FGR: variants seen among roughly 807,000 people sequenced by gnomAD.
The protein encoded by FGR is tyrosine-protein kinase Fgr.
A neutral mutation model predicts 63.2 loss-of-function variants in FGR; 26 were observed. The observed-to-expected ratio is 0.41, with a 90% CI of 0.30 to 0.57. The LOEUF (loss-of-function observed/expected upper bound fraction) is 0.57. Ranked by LOEUF, FGR falls within the 20% of genes least tolerant of loss-of-function variation. The probability of loss-of-function intolerance (pLI) is 0.27; values close to 1 mark genes in which losing one functional copy is unlikely to be tolerated. For synonymous variants in FGR, 286 were observed against 277.7 expected, an observed-to-expected ratio of 1.03 and a Z score of -0.30; for missense variants, 511 against 690.8, an observed-to-expected ratio of 0.74 and a Z score of 2.92.
In FGR at chr1:27,616,127, A is replaced by T. The variant is rs1454385159; in HGVS notation, c.683-283T>A. On this transcript the variant is annotated intron_variant, in intron 7 of 12. Coordinates refer to ENST00000374005, the MANE Select transcript of FGR (RefSeq NM_005248.3). This position sits in a 1 kb window ranked among gnomAD's most constrained non-coding sequence, Gnocchi z 4.3. The stretch of plus-strand genomic sequence containing the variant: ...GTAGCCTCCAGCTGGGCCTTGAAGG[A>T]TAAGGTGGGATTCTCACAGGTGGAA... 2.0e-5 allele frequency among the ~76,000 whole-genome samples: 3 copies of T among 152,142 alleles called. No homozygotes were observed. The highest frequency in any genetic ancestry group is 4.4e-5 in the Non-Finnish European group (3 of 68,000).
chr1:27,618,301 T>C (rs1390999725), intron 5 of FGR, among the ~76,000 whole-genome samples: 4 of 152,142 alleles, frequency 2.6e-5, no homozygotes, highest in Admixed American at 6.5e-5. Context: ...ACCTCCTTAA[T>C]AATCACTATA....
At chr1:27,627,021 T>A (rs1345854909) in intron 1 of FGR, among the ~76,000 whole-genome samples, 1 of 152,036 alleles carries the variant, frequency 6.6e-6, no homozygotes, top group African/African-American at 2.4e-5. Flanking sequence ...AATCTTTTTT[T>A]AATTAGCCAG....
At chr1:27,631,658 A>T (rs564717946) in intron 1 of FGR, among the ~76,000 whole-genome samples, 22 of 152,320 alleles carry the variant, frequency 1.4e-4, no homozygotes, top group African/African-American at 5.3e-4. Flanking sequence ...GTAAGTGCCC[A>T]GTGAACTTTC....
chr1:27,630,211 G>C lies in FGR; in HGVS notation c.-77+4854C>G, dbSNP rs548263105. ...GGGACTACAGGCGCGCTGCCAACAC[G>C]CCTGGCTAATTTTTTGTATTTTGAG... On this transcript the variant is annotated intron_variant, in intron 1 of 12. Coordinates refer to ENST00000374005, the MANE Select transcript of FGR (RefSeq NM_005248.3). 2.2e-3 allele frequency among the ~76,000 whole-genome samples: 327 copies of C among 151,882 alleles called. 3 individuals are homozygous for C. The highest frequency in any genetic ancestry group is 7.4e-3 in the African/African-American group (307 of 41,402).
chr1:27,620,860 T>A, intron 5 of FGR, among the ~76,000 whole-genome samples: 1 of 148,662 alleles, frequency 6.7e-6, no homozygotes. Context: ...ACACCATCTC[T>A]ACTTAAAAAA....
At chr1:27,614,101 T>G (rs1410213096) in intron 11 of FGR, among the ~76,000 whole-genome samples, 1 of 152,226 alleles carries the variant, frequency 6.6e-6, no homozygotes, top group East Asian at 1.9e-4. Flanking sequence ...GAATTCCCAC[T>G]GTTACACGCC....
At chr1:27,618,894 A>C (rs950742547) in intron 5 of FGR, among the ~76,000 whole-genome samples, 14 of 151,628 alleles carry the variant, frequency 9.2e-5, no homozygotes, top group African/African-American at 2.7e-4. Flanking sequence ...CTCACCTCCC[A>C]CTCCCTCCCA....
rs2089718399 is a variant in FGR at position 27,612,750 on chromosome 1, C to G, written c.*164G>C. The G allele has an allele frequency of 1.6e-6, 1 of 632,780 alleles. No homozygotes were observed. Among genetic ancestry groups the G allele is most frequent in the Non-Finnish European group, 2.7e-6 (1 of 363,860 alleles). The allele number at this position is 632,780 out of a possible 1,614,324, so 39.2% of individuals were successfully genotyped here. A position where few individuals can be genotyped will look rare whatever the true frequency, so the allele number is the denominator to read the frequency against. On this transcript the variant is annotated 3_prime_UTR_variant, in exon 13 of 13. Transcript: ENST00000374005. ...AGCTCTGGGCCTCCTTTTGCCCCAT[C>G]TGTAAAACAAGTAGGTTGCCCTAGG...
intron 5 of FGR, among the ~76,000 whole-genome samples, chr1:27,621,307 G>A (rs924612760): frequency 2.0e-5 from 3 of 152,126 alleles, no homozygotes; most frequent in Non-Finnish European, 4.4e-5. Flanking sequence ...TTGTGAAATA[G>A]GATAGTAGTA....
chr1:27,631,873 C>T (rs1005793268), intron 1 of FGR, among the ~76,000 whole-genome samples: 4 of 152,094 alleles, frequency 2.6e-5, no homozygotes, highest in Non-Finnish European at 5.9e-5. Flanking sequence ...GCAAGAGTTC[C>T]GGCTTCTCCT....
At chr1:27,621,466 G>A (rs1162155483) in intron 5 of FGR, 93 bp downstream of exon 5, 20 of 840,142 alleles carry the variant, frequency 2.4e-5, no homozygotes, top group South Asian at 6.8e-5. Flanking sequence ...AGACAGGCTC[G>A]GACTGGAGCA....
In FGR at chr1:27,614,856, TGCCATGTCCACCAATTGGGGCA is replaced by T; in HGVS notation, c.1067_1088del (p.Leu356GlnfsTer4). ...AGGCTGCTGGCCCAGTTACCTGGGC[TGCCATGTCCACCAATTGGGGCA>T]GCCTCAAATCCTGGCCCTCTGGGTT... On this transcript the variant is annotated frameshift_variant, in exon 10 of 13. Coordinates refer to ENST00000374005, the MANE Select transcript of FGR (RefSeq NM_005248.3). LOFTEE classifies it high-confidence loss of function. 2 of 1,590,080 alleles carry T rather than the reference TGCCATGTCCACCAATTGGGGCA, an allele frequency of 1.3e-6. No individual in the cohort carries two copies. The highest frequency in any genetic ancestry group is 1.7e-6 in the Non-Finnish European group (2 of 1,166,538).
At chr1:27,634,172 C>T (rs1267698079) in intron 1 of FGR, among the ~76,000 whole-genome samples, 1 of 151,926 alleles carries the variant, frequency 6.6e-6, no homozygotes, top group Non-Finnish European at 1.5e-5. Flanking sequence ...AGCCCCGCGG[C>T]GGCCCAGCGC....
intron 5 of FGR, among the ~76,000 whole-genome samples, chr1:27,620,991 CAAAAAAAAAAAA>C (rs59265327): frequency 2.9e-3 from 63 of 22,038 alleles, no homozygotes; most frequent in African/African-American, 6.1e-3. Flanking sequence ...GACCCTGTCT[CAAAAAAAAAAAA>C]AAAAAAAAAA....
intron 2 of FGR, 25 bp from the exon 3 acceptor site, chr1:27,623,954 C>A: frequency 4.5e-6 from 7 of 1,539,464 alleles, no homozygotes; most frequent in Non-Finnish European, 6.2e-6. Flanking sequence ...ATGCCTCACT[C>A]AAGGACCCCT....
At chr1:27,621,009 AAAAAAAAAAAG>A (rs1201433183) in intron 5 of FGR, among the ~76,000 whole-genome samples, 4 of 149,654 alleles carry the variant, frequency 2.7e-5, no homozygotes, top group Non-Finnish European at 5.9e-5. Flanking sequence ...AAAAAAAAAA[AAAAAAAAAAAG>A]AAAGAAAGAA....
Position 27,615,155 on chromosome 1 carries a change from G to C in FGR, c.1019-229C>G, listed in dbSNP as rs541868995. Among the ~76,000 whole-genome samples the C allele has an allele frequency of 5.2e-3, 787 of 151,888 alleles. 7 individuals carry two copies. The highest frequency in any genetic ancestry group is 0.018 in the African/African-American group (750 of 41,360). Reference sequence around the variant, plus strand: ...TGGTGTTCCGGACACGACCCACCCAGACTCCGCCCCAGACCCTCCCTCATT... The same window carrying C: ...TGGTGTTCCGGACACGACCCACCCACACTCCGCCCCAGACCCTCCCTCATT... On this transcript the variant is annotated intron_variant, in intron 9 of 12. Coordinates refer to ENST00000374005, the MANE Select transcript of FGR (RefSeq NM_005248.3). This position sits in a 1 kb window ranked among gnomAD's most constrained non-coding sequence, Gnocchi z 7.6.
chr1:27,616,749 G>T lies in FGR; in HGVS notation c.682+108C>A. 8.0e-7 allele frequency: 1 copy of T among 1,257,046 alleles called. No individual in the cohort carries two copies. The highest frequency in any genetic ancestry group is 1.1e-6 in the Non-Finnish European group (1 of 879,224). 77.9% of individuals were successfully genotyped at this position (1,257,046 alleles called of 1,614,324 possible). ...ACCCCATCCTTGGGTTCTGGTTTCC[G>T]TCTGGCCAATACTGCTTGGTAGTCC... On this transcript the variant is annotated intron_variant, in intron 7 of 12. Transcript: ENST00000374005. The surrounding 1 kb of genome is among the most constrained non-coding windows in gnomAD (Gnocchi z 4.3).
intron 1 of FGR, among the ~76,000 whole-genome samples, chr1:27,633,744 G>T (rs1049808499): frequency 1.3e-5 from 2 of 152,142 alleles, no homozygotes; most frequent in African/African-American, 4.8e-5. Context: ...TGTAGAGACA[G>T]GACGGGGGTC....
Sources: allele counts gnomAD v4.1 joint callset (sites outside exome capture counted in the v4.1 genomes callset), GRCh38; gene constraint gnomAD v4.1.1; non-coding constraint Gnocchi (gnomAD v3.1); transcripts MANE v1.5; gene names NCBI Gene and HGNC (gene_info 2026-07-23, HGNC 2026-07-21).